SGK1: variants seen among roughly 807,000 people sequenced by gnomAD.
SGK1 encodes serum/glucocorticoid regulated kinase 1.
A neutral mutation model predicts 64.2 loss-of-function variants in SGK1; 26 were observed. That is an observed-to-expected ratio of 0.40 (90% CI 0.30 to 0.56). The LOEUF is 0.56. Among genes scored for constraint, SGK1 ranks in the 20% least tolerant of loss-of-function variants. The pLI is 0.38. For synonymous variants in SGK1, 265 were observed against 239.7 expected (o/e 1.11, Z -0.98); for missense variants, 519 against 645.6 (o/e 0.80, Z 2.12).
At chr6:134,171,997 C>G in intron 10 of SGK1, 196 bp downstream of exon 10, 2 of 725,366 alleles carry the variant, frequency 2.8e-6, no homozygotes, top group Non-Finnish European at 4.6e-6. Context: ...TTACAAACAG[C>G]TACTTTTCAG....
intron 2 of SGK1, among the ~76,000 whole-genome samples, chr6:134,216,686 T>A (rs1187985013): frequency 2.0e-5 from 3 of 152,254 alleles, no homozygotes; most frequent in African/African-American, 7.2e-5. Flanking sequence ...CGATATCATG[T>A]ACCTCTAAAT....
intron 3 of SGK1, among the ~76,000 whole-genome samples, chr6:134,179,879 A>G (rs1775305416): frequency 6.6e-6 from 1 of 152,288 alleles, no homozygotes; most frequent in Middle Eastern, 3.4e-3. Context: ...TAAATTTTTT[A>G]TGTCATTCAG....
At chr6:134,278,229 C>T (rs1777045898) in intron 1 of SGK1, among the ~76,000 whole-genome samples, 1 of 152,204 alleles carries the variant, frequency 6.6e-6, no homozygotes, top group African/African-American at 2.4e-5. Flanking sequence ...ACATTCCAGT[C>T]ACATTCTTCC....
rs746345368 is a variant in SGK1 at position 134,262,054 on chromosome 6, G to T, written c.164C>A (p.Pro55Gln). 64 of 1,613,824 alleles carry T rather than the reference G, an allele frequency of 4.0e-5. No homozygotes were observed. The Admixed American group carries it at 1.1e-3, about 27-fold the overall frequency. The change falls in exon 2 of 14, where the codon CCA (proline) becomes CAA (glutamine). Residue 55 changes from proline to glutamine, a missense_variant. This residue lies in a region of SGK1 where 241 missense variants were observed against 236.9 expected (regional missense o/e 1.02). Coordinates refer to ENST00000367858, the MANE Select transcript of SGK1 (RefSeq NM_001143676.3). ...GGAAGACTCGAAGTCTGGCTCCCCTGGAGGGATGTGCACCATGGAGGAGCC... is the reference window on the plus strand; with the variant it reads ...GGAAGACTCGAAGTCTGGCTCCCCTTGAGGGATGTGCACCATGGAGGAGCC... ...YTGSSMVHIP[P>Q]GEPDFESSLC...
intron 1 of SGK1, among the ~76,000 whole-genome samples, chr6:134,299,638 T>G (rs958707374): frequency 6.6e-5 from 10 of 152,072 alleles, no homozygotes; most frequent in African/African-American, 2.4e-4. Flanking sequence ...TCATAACAAG[T>G]ATGCTCATTA....
At chr6:134,236,656 AACAC>A (rs199531439) in intron 2 of SGK1, among the ~76,000 whole-genome samples, 1 of 151,726 alleles carries the variant, frequency 6.6e-6, no homozygotes, top group Non-Finnish European at 1.5e-5. Flanking sequence ...ATGAATTTTA[AACAC>A]ACACACACAC....
At chr6:134,291,314 C>T (rs1040308989) in intron 1 of SGK1, among the ~76,000 whole-genome samples, 1 of 152,148 alleles carries the variant, frequency 6.6e-6, no homozygotes, top group African/African-American at 2.4e-5. Context: ...TTGAACTAAG[C>T]TCCTGCACTA....
chr6:134,176,460 T>A (rs899571829), intron 3 of SGK1, among the ~76,000 whole-genome samples: 1 of 152,158 alleles, frequency 6.6e-6, no homozygotes, highest in South Asian at 2.1e-4. Context: ...ACCCCGCGGC[T>A]GGGGGATGTC....
intron 1 of SGK1, among the ~76,000 whole-genome samples, chr6:134,269,635 A>T: frequency 6.9e-6 from 1 of 144,310 alleles, no homozygotes; most frequent in Non-Finnish European, 1.5e-5. Context: ...TCCAGCCTGG[A>T]TGAAAGAGTG....
intron 1 of SGK1, among the ~76,000 whole-genome samples, chr6:134,316,097 C>T (rs1777680780): frequency 6.6e-6 from 1 of 152,184 alleles, no homozygotes; most frequent in Non-Finnish European, 1.5e-5. Context: ...GGTTTGAATG[C>T]ATATGCTTTG....
In SGK1 at chr6:134,299,543, G is replaced by A. The variant is rs117153395; in HGVS notation, c.69+17849C>T. On this transcript the variant is annotated intron_variant, in intron 1 of 13. Coordinates refer to ENST00000367858, the MANE Select transcript of SGK1 (RefSeq NM_001143676.3). ...TGGGGAGTTATGCCAAGAAGTGAAGGGAGTGAGGTAAGGTATGCTGATGTG... is the reference window on the plus strand; with the variant it reads ...TGGGGAGTTATGCCAAGAAGTGAAGAGAGTGAGGTAAGGTATGCTGATGTG... 1.6e-4 allele frequency among the ~76,000 whole-genome samples: 25 copies of A among 152,244 alleles called. No individual in the cohort carries two copies. In the East Asian group the frequency reaches 4.6e-3, roughly 28 times the overall value.
rs1774943975 is a variant in SGK1 at position 134,169,667 on chromosome 6, G to A, written c.*601C>T. 6.6e-6 allele frequency: 1 copy of A among 152,550 alleles called. No homozygotes were observed. The highest frequency in any genetic ancestry group is 6.5e-5 in the Admixed American group (1 of 15,276). The allele number at this position is 152,550 out of a possible 1,614,324, so 9.4% of individuals were successfully genotyped here. ...TGCAAGACCATTTCAATAAATTTTA[G>A]TTATTAACCGTATCTTACAAAAAAG... On this transcript the variant is annotated 3_prime_UTR_variant, in exon 14 of 14. Transcript: ENST00000367858.
At chr6:134,278,831 G>A (rs1169388669) in intron 1 of SGK1, among the ~76,000 whole-genome samples, 1 of 151,768 alleles carries the variant, frequency 6.6e-6, no homozygotes, top group African/African-American at 2.4e-5. Flanking sequence ...ATTAAAAAAG[G>A]CTCAGTTTTC....
At chr6:134,207,780 A>C (rs1199749889) in intron 2 of SGK1, among the ~76,000 whole-genome samples, 8 of 152,240 alleles carry the variant, frequency 5.3e-5, no homozygotes, top group Admixed American at 5.2e-4. Flanking sequence ...ATTATTAGCA[A>C]ATTTATCAGT....
chr6:134,246,014 G>T (rs1014584508), intron 2 of SGK1, among the ~76,000 whole-genome samples: 1 of 152,116 alleles, frequency 6.6e-6, no homozygotes, highest in East Asian at 1.9e-4. Flanking sequence ...TAATGAACAG[G>T]CTTGGATTAA....
chr6:134,295,211 G>T (rs1403385383), intron 1 of SGK1, among the ~76,000 whole-genome samples: 1 of 151,908 alleles, frequency 6.6e-6, no homozygotes, highest in Non-Finnish European at 1.5e-5. Context: ...ATTCTGCATG[G>T]TTGGAGAATG....
intron 3 of SGK1, among the ~76,000 whole-genome samples, chr6:134,192,383 C>A (rs1244041430): frequency 6.6e-6 from 1 of 152,192 alleles, no homozygotes; most frequent in Non-Finnish European, 1.5e-5. Context: ...TCCAGCCCAG[C>A]CTGAGCTAAT....
In SGK1 at chr6:134,200,660, T is replaced by G. The variant is rs184648779; in HGVS notation, c.361+6696A>C. On this transcript the variant is annotated intron_variant, in intron 3 of 13. Coordinates refer to ENST00000367858, the MANE Select transcript of SGK1 (RefSeq NM_001143676.3). The stretch of plus-strand genomic sequence containing the variant: ...GGCTCACACCTGTAATCCAAGCACT[T>G]TGGGAGGCCAAGGCAGGTGGATCAC... Among the ~76,000 whole-genome samples the G allele has an allele frequency of 2.1e-3, 325 of 152,302 alleles. 2 individuals carry two copies. Among genetic ancestry groups the G allele is most frequent in the East Asian group, 5.0e-3 (26 of 5,186 alleles).
chr6:134,215,196 A>G, intron 2 of SGK1: 2 of 401,372 alleles, frequency 5.0e-6, no homozygotes, highest in Non-Finnish European at 4.9e-6. Flanking sequence ...GCTGACTACA[A>G]CCTCCGCCTC....
Sources: gnomAD v4.1 joint callset for allele counts (sites outside exome capture counted in the v4.1 genomes callset) on GRCh38, gnomAD v4.1.1 for gene constraint, gnomAD v4.1.1 regional missense constraint, MANE v1.5 for transcripts, NCBI Gene and HGNC (gene_info 2026-07-23, HGNC 2026-07-21) for gene names.